Variants in ATL1 observed in about 807,000 individuals in gnomAD.
The protein encoded by ATL1 is atlastin-1.
In ATL1, 31 loss-of-function variants were observed where a neutral mutation model predicts 75.5. The ratio of observed to expected loss-of-function variants is 0.41; its 90% CI spans 0.31 to 0.55. ATL1 has a LOEUF of 0.55. Among genes scored for constraint, ATL1 ranks in the 20% least tolerant of loss-of-function variants. The pLI is 0.27. For synonymous variants in ATL1, 226 were observed against 233.3 expected (o/e 0.97, Z 0.28); for missense variants, 405 against 662.6 (o/e 0.61, Z 4.27).
At chr14:50,589,108 A>G (rs1480795672) in intron 2 of ATL1, among the ~76,000 whole-genome samples, 2 of 150,130 alleles carry the variant, frequency 1.3e-5, no homozygotes, top group African/African-American at 2.5e-5. Context: ...TTAGAGCATC[A>G]TTACATGGTG....
intron 1 of ATL1, among the ~76,000 whole-genome samples, chr14:50,573,510 T>C (rs1487245004): frequency 6.6e-6 from 1 of 152,214 alleles, no homozygotes; most frequent in Non-Finnish European, 1.5e-5. Flanking sequence ...AGAACACCCA[T>C]GCTTTGAACT....
chr14:50,629,372 G>A (rs1382883016), intron 12 of ATL1, among the ~76,000 whole-genome samples: 2 of 151,838 alleles, frequency 1.3e-5, no homozygotes, highest in East Asian at 1.9e-4. Flanking sequence ...ATCTGAGGTC[G>A]GGAGTTTGAG....
chr14:50,535,894 A>G (rs552481835), intron 1 of ATL1, among the ~76,000 whole-genome samples: 1 of 152,184 alleles, frequency 6.6e-6, no homozygotes, highest in African/African-American at 2.4e-5. Context: ...CATGAGGGCA[A>G]GTCTTTCCCA....
chr14:50,560,970 C>T (rs1439171117), intron 1 of ATL1: 2 of 153,212 alleles, frequency 1.3e-5, no homozygotes, highest in Non-Finnish European at 2.9e-5. Flanking sequence ...GGTTTCCAGC[C>T]TTCTGCCCCA....
intron 1 of ATL1, among the ~76,000 whole-genome samples, chr14:50,552,163 T>C (rs557420944): frequency 1.7e-4 from 26 of 152,200 alleles, no homozygotes; most frequent in Non-Finnish European, 3.1e-4. Context: ...CAGTAAAGTT[T>C]CGGGATACAA....
chr14:50,620,528 A>G (rs902340609), intron 8 of ATL1, 71 bp from the exon 9 acceptor site: 6 of 1,518,958 alleles, frequency 4.0e-6, no homozygotes, highest in African/African-American at 1.4e-5. Flanking sequence ...AGATCAAAGG[A>G]TGTTTTATTC....
At chr14:50,558,232 G>A (rs747922064), upstream of ATL1, among the ~76,000 whole-genome samples, 31 of 152,276 alleles carry the variant, frequency 2.0e-4, no homozygotes, top group East Asian at 5.8e-4. Context: ...GCTGGCGACC[G>A]CCAGTAATCC....
At chr14:50,618,964 C>A (rs2140230914) in intron 8 of ATL1, among the ~76,000 whole-genome samples, 1 of 152,168 alleles carries the variant, frequency 6.6e-6, no homozygotes, top group South Asian at 2.1e-4. Context: ...AATCTTGGCT[C>A]ACTGCAACCT....
chr14:50,584,114 C>T (rs61982174), intron 1 of ATL1, among the ~76,000 whole-genome samples: 41,036 of 152,118 alleles, frequency 0.27, 6,388 homozygotes, highest in South Asian at 0.4. Flanking sequence ...GTGGTTCATC[C>T]CTGTAATGCC....
At chr14:50,618,383 A>C (rs1438539376) in intron 8 of ATL1, among the ~76,000 whole-genome samples, 2 of 152,220 alleles carry the variant, frequency 1.3e-5, no homozygotes, top group East Asian at 3.8e-4. Flanking sequence ...AAAGCAAACC[A>C]CAATAATAAA....
intron 1 of ATL1, among the ~76,000 whole-genome samples, chr14:50,561,641 T>C (rs950847101): frequency 1.3e-5 from 2 of 152,158 alleles, no homozygotes; most frequent in African/African-American, 2.4e-5. Flanking sequence ...AGGTTTACAT[T>C]TGGGAGATTA....
intron 2 of ATL1, among the ~76,000 whole-genome samples, chr14:50,588,610 C>T (rs928580007): frequency 2.0e-5 from 3 of 152,028 alleles, no homozygotes; most frequent in Non-Finnish European, 2.9e-5. Flanking sequence ...AATTGCTGGC[C>T]GGGCACTGTG....
intron 1 of ATL1, 113 bp from the exon 2 acceptor site, chr14:50,587,718 C>T (rs2039115474): frequency 1.4e-6 from 2 of 1,422,616 alleles, no homozygotes; most frequent in Non-Finnish European, 2.0e-6. Flanking sequence ...ATAAAATGAG[C>T]ATTTATAATT....
At chr14:50,538,311 A>G (rs751468538) in intron 1 of ATL1, among the ~76,000 whole-genome samples, 1 of 152,174 alleles carries the variant, frequency 6.6e-6, no homozygotes, top group Non-Finnish European at 1.5e-5. Context: ...TGTAAATCCA[A>G]TTAAACCTCT....
intron 1 of ATL1, among the ~76,000 whole-genome samples, chr14:50,579,548 G>T (rs900965303): frequency 2.0e-5 from 3 of 152,158 alleles, no homozygotes; most frequent in African/African-American, 7.2e-5. Context: ...GTACAAGAAA[G>T]ATTGCTGAAA....
In ATL1 at chr14:50,535,557, G is replaced by A. The variant is rs1397081399; in HGVS notation, c.-140+2190G>A. Among the ~76,000 whole-genome samples the A allele has an allele frequency of 2.0e-5, 3 of 151,740 alleles. No individual in the cohort carries two copies. In the East Asian group the frequency reaches 5.8e-4, roughly 29 times the overall value. On this transcript the variant is annotated intron_variant, in intron 1 of 13. Transcript: ENST00000441560. ...AAGACATTGCCACAATTATGATTTG[G>A]ATTTTTAAATAATTATTATTAAACT...
chr14:50,588,654 C>T (rs779026729), intron 2 of ATL1, among the ~76,000 whole-genome samples: 3 of 151,914 alleles, frequency 2.0e-5, no homozygotes, highest in African/African-American at 4.8e-5. Context: ...TTTGGGAGGC[C>T]GAGGTGGGTG....
Position 50,615,094 on chromosome 14 carries a change from AG to A in ATL1, c.862+584del, listed in dbSNP as rs562178878. ...AGGACTGATTGTTACATGATTCCAA[AG>A]CAGCTTGACTTGTTAAACAAACAAA... is the stretch of plus-strand genomic sequence containing the variant. On this transcript the variant is annotated intron_variant, in intron 8 of 13. Transcript: ENST00000358385. 1.5e-4 allele frequency among the ~76,000 whole-genome samples: 23 copies of A among 152,326 alleles called. No individual in the cohort carries two copies. In the East Asian group the frequency reaches 4.2e-3, roughly 28 times the overall value.
At chr14:50,570,826 T>C (rs1026730568) in intron 1 of ATL1, among the ~76,000 whole-genome samples, 14 of 152,234 alleles carry the variant, frequency 9.2e-5, no homozygotes, top group African/African-American at 3.1e-4. Context: ...GTGGTAACTC[T>C]GGAAGTCAGA....
Sources: allele counts gnomAD v4.1 joint callset (sites outside exome capture counted in the v4.1 genomes callset), GRCh38; gene constraint gnomAD v4.1.1; transcripts MANE v1.5; gene names NCBI Gene and HGNC (gene_info 2026-07-23, HGNC 2026-07-21).